Variants in CDADC1 observed in about 807,000 individuals in gnomAD.
CDADC1 encodes the protein dCTP deaminase.
CDADC1 carries 39 observed loss-of-function variants against 54.9 expected under a neutral mutation model. That is an observed-to-expected ratio of 0.71 (90% CI 0.55 to 0.93). The LOEUF is 0.93. CDADC1 is among the 40% of genes least tolerant of loss of function. The pLI, the probability that CDADC1 is intolerant of heterozygous loss-of-function variation, is 0.00. For synonymous variants in CDADC1, 186 were observed against 204.0 expected (o/e 0.91, Z 0.75); for missense variants, 518 against 618.8 (o/e 0.84, Z 1.73).
At position 49,291,900 on chromosome 13, in the gene CDADC1, CA is replaced by C. The variant is rs1953717588; in HGVS notation, c.*146del. 2.1e-5 allele frequency: 30 copies of C among 1,420,430 alleles called. No homozygotes were observed. Among genetic ancestry groups the C allele is most frequent in the Non-Finnish European group, 2.8e-5 (30 of 1,085,410 alleles). 88.0% of individuals were successfully genotyped at this position (1,420,430 alleles called of 1,614,324 possible). ...AGGAAGCTAATTTATTTCTAGGATA[CA>C]AATGGTGTTAATAAGAATATTTGTC... On this transcript the variant is annotated 3_prime_UTR_variant, in exon 10 of 10. Transcript: ENST00000251108.
Position 49,286,812 on chromosome 13 carries a change from T to G in CDADC1, c.1471+530T>G, listed in dbSNP as rs112911460. On this transcript the variant is annotated intron_variant, in intron 9 of 9. Transcript: ENST00000251108. Reference sequence around the variant, plus strand: ...TTATTCGTATACTACTACAGATATTTTGAATGTAATATAATCTTTGAGAAG... The same window carrying G: ...TTATTCGTATACTACTACAGATATTGTGAATGTAATATAATCTTTGAGAAG... Among the ~76,000 whole-genome samples, 475 of 152,358 alleles carry G rather than the reference T, an allele frequency of 3.1e-3. 2 individuals carry two copies. Among genetic ancestry groups the G allele is most frequent in the African/African-American group, 0.01 (432 of 41,588 alleles).
intron 2 of CDADC1, among the ~76,000 whole-genome samples, chr13:49,249,641 T>C (rs1160197896): frequency 6.6e-6 from 1 of 151,986 alleles, no homozygotes; most frequent in African/African-American, 2.4e-5. Flanking sequence ...GGCTGAGGCA[T>C]GAGAATCGCT....
intron 8 of CDADC1, among the ~76,000 whole-genome samples, chr13:49,285,272 G>C (rs1329732526): frequency 6.7e-6 from 1 of 149,906 alleles, no homozygotes; most frequent in East Asian, 2.0e-4. Context: ...TCCACCTCCC[G>C]GGTTCTCGCC....
intron 2 of CDADC1, among the ~76,000 whole-genome samples, chr13:49,250,927 C>G (rs1486663212): frequency 1.3e-5 from 2 of 152,156 alleles, no homozygotes; most frequent in African/African-American, 4.8e-5. Context: ...GAAAGCTCTT[C>G]ATTTCCTTCA....
chr13:49,257,195 A>G (rs570783891), intron 3 of CDADC1, among the ~76,000 whole-genome samples: 11 of 152,378 alleles, frequency 7.2e-5, no homozygotes, highest in Admixed American at 6.5e-4. Context: ...GAAAAAATAC[A>G]TATTTTCTGA....
At chr13:49,270,467 C>T (rs1184678671) in intron 5 of CDADC1, among the ~76,000 whole-genome samples, 1 of 152,202 alleles carries the variant, frequency 6.6e-6, no homozygotes, top group African/African-American at 2.4e-5. Context: ...ATCTTCCTGC[C>T]TCAGCCTCCC....
chr13:49,248,882 A>G lies in CDADC1; in HGVS notation c.94A>G (p.Arg32Gly), dbSNP rs1278894894. The change falls in exon 2 of 10, where the codon AGG becomes GGG. Residue 32 changes from arginine (R) to glycine (G), a missense_variant. Arg to Gly is a moderately radical substitution (Grantham distance 125, BLOSUM62 -2). Transcript: ENST00000251108. ...QTGSMTGQIPRLSKVNLFTLL... is the reference protein window; with the variant it reads ...QTGSMTGQIPGLSKVNLFTLL... ...CGTCTCTTTTGTAGGTCAGATACCAAGGCTTTCTAAAGTCAACCTTTTCAC... is the reference window on the plus strand; with the variant it reads ...CGTCTCTTTTGTAGGTCAGATACCAGGGCTTTCTAAAGTCAACCTTTTCAC... The G allele has an allele frequency of 5.0e-6, 8 of 1,605,754 alleles. No homozygotes were observed. Among genetic ancestry groups the G allele is most frequent in the Non-Finnish European group, 6.8e-6 (8 of 1,172,424 alleles).
intron 3 of CDADC1, among the ~76,000 whole-genome samples, chr13:49,257,903 A>G (rs1952585122): frequency 6.6e-6 from 1 of 152,238 alleles, no homozygotes; most frequent in Non-Finnish European, 1.5e-5. Context: ...ATAAAACTCA[A>G]GAAATTTTGG....
chr13:49,265,375 G>A (rs986078575), intron 4 of CDADC1, among the ~76,000 whole-genome samples: 25 of 152,156 alleles, frequency 1.6e-4, no homozygotes, highest in Non-Finnish European at 3.1e-4. Context: ...CATTCATGAG[G>A]CCAAAGGGCA....
At chr13:49,250,904 T>C (rs1392718790) in intron 2 of CDADC1, among the ~76,000 whole-genome samples, 1 of 152,236 alleles carries the variant, frequency 6.6e-6, no homozygotes, top group Non-Finnish European at 1.5e-5. Flanking sequence ...CTCTACATGT[T>C]ATTAACGGCT....
Position 49,280,713 on chromosome 13 carries a change from A to AT in CDADC1, c.1410+22dup. Reference sequence around the variant, plus strand: ...GCAAATTTACGGTAAGTAGATACACATTTTTTTCAGGTGTATTTTGTATTA... The same window carrying AT: ...GCAAATTTACGGTAAGTAGATACACATTTTTTTTCAGGTGTATTTTGTATTA... On this transcript the variant is annotated intron_variant, in intron 8 of 9. Transcript: ENST00000251108. 2 of 1,518,720 alleles carry AT rather than the reference A, an allele frequency of 1.3e-6. No individual in the cohort carries two copies. The highest frequency in any genetic ancestry group is 1.8e-6 in the Non-Finnish European group (2 of 1,129,660). 94.1% of individuals were successfully genotyped at this position (1,518,720 alleles called of 1,614,324 possible).
chr13:49,263,945 T>C (rs536594423), intron 4 of CDADC1, among the ~76,000 whole-genome samples: 1 of 152,322 alleles, frequency 6.6e-6, no homozygotes, highest in East Asian at 1.9e-4. Context: ...GTGGGAGTGA[T>C]TAACTGAGCC....
At chr13:49,270,395 A>G (rs1952936275) in intron 5 of CDADC1, among the ~76,000 whole-genome samples, 1 of 151,826 alleles carries the variant, frequency 6.6e-6, no homozygotes, top group South Asian at 2.1e-4. Flanking sequence ...CCAATTTTTA[A>G]TTTTTTGTAG....
chr13:49,262,614 C>T (rs967480393), intron 4 of CDADC1, among the ~76,000 whole-genome samples: 4 of 152,136 alleles, frequency 2.6e-5, no homozygotes, highest in Admixed American at 6.5e-5. Context: ...CATTGCAACC[C>T]CCGCCTCCCA....
At chr13:49,255,802 G>A (rs1952531158) in intron 2 of CDADC1, 37 bp from the exon 3 acceptor site, 3 of 1,603,784 alleles carry the variant, frequency 1.9e-6, no homozygotes, top group Non-Finnish European at 2.6e-6. Flanking sequence ...TGTCTTATGT[G>A]CTAATCTTTT....
chr13:49,287,408 G>GA (rs1182761939), intron 9 of CDADC1, among the ~76,000 whole-genome samples: 3 of 151,874 alleles, frequency 2.0e-5, no homozygotes, highest in Non-Finnish European at 2.9e-5. Context: ...TTGCAATTTG[G>GA]AAAAAAGTAC....
chr13:49,277,316 A>T (rs1029519594), intron 6 of CDADC1, among the ~76,000 whole-genome samples: 1 of 151,968 alleles, frequency 6.6e-6, no homozygotes, highest in African/African-American at 2.4e-5. Context: ...ACAAAAAAAG[A>T]AAAAATTAGC....
chr13:49,278,043 G>C lies in CDADC1; in HGVS notation c.1051-307G>C, dbSNP rs550958545. Reference sequence around the variant, plus strand: ...GCTCTCCAGGATCTATAATTTATTTGGGAAGTAATATCTGAATCAAGTGAA... The same window carrying C: ...GCTCTCCAGGATCTATAATTTATTTCGGAAGTAATATCTGAATCAAGTGAA... On this transcript the variant is annotated intron_variant, in intron 6 of 9. Coordinates refer to ENST00000251108, the MANE Select transcript of CDADC1 (RefSeq NM_030911.4). Among the ~76,000 whole-genome samples the C allele has an allele frequency of 4.9e-4, 74 of 152,262 alleles. 1 individual carries two copies. Among genetic ancestry groups the C allele is most frequent in the African/African-American group, 1.8e-3 (73 of 41,554 alleles).
At chr13:49,257,345 G>A (rs1593795422) in intron 3 of CDADC1, among the ~76,000 whole-genome samples, 1 of 152,068 alleles carries the variant, frequency 6.6e-6, no homozygotes, top group East Asian at 1.9e-4. Context: ...CTTTATTTCT[G>A]TCTGTTTAAC....
Sources: gnomAD v4.1 joint callset for allele counts (sites outside exome capture counted in the v4.1 genomes callset) on GRCh38, gnomAD v4.1.1 for gene constraint, MANE v1.5 for transcripts, NCBI Gene and HGNC (gene_info 2026-07-23, HGNC 2026-07-21) for gene names.